RAB3GAP2: variants seen among roughly 807,000 people sequenced by gnomAD.
RAB3GAP2 encodes RAB3 GTPase activating non-catalytic protein subunit 2.
Under a neutral mutation model 185.3 loss-of-function variants are expected in RAB3GAP2, and 87 were observed. The ratio of observed to expected loss-of-function variants is 0.47; its 90% CI spans 0.39 to 0.56. The LOEUF is 0.56. RAB3GAP2 is among the 20% of genes least tolerant of loss of function. The pLI, the probability that RAB3GAP2 is intolerant of heterozygous loss-of-function variation, is 0.00. For missense variants in RAB3GAP2, 1,492 were observed against 1,638.2 expected, an observed-to-expected ratio of 0.91 and a Z score of 1.54; for synonymous variants, 554 against 576.1, an observed-to-expected ratio of 0.96 and a Z score of 0.55.
chr1:220,184,282 A>G, intron 18 of RAB3GAP2, 119 bp from the exon 19 acceptor site: 1 of 937,122 alleles, frequency 1.1e-6, no homozygotes, highest in Middle Eastern at 3.4e-4. Context: ...TGTATTAAAT[A>G]CTGAGATGCT....
intron 9 of RAB3GAP2, among the ~76,000 whole-genome samples, chr1:220,201,114 G>T (rs760393669): frequency 2.0e-5 from 3 of 152,152 alleles, no homozygotes; most frequent in Non-Finnish European, 4.4e-5. Context: ...AGAGAAGCAT[G>T]TCTTTACATC....
intron 6 of RAB3GAP2, 117 bp from the exon 7 acceptor site, chr1:220,210,606 CTT>C: frequency 1.0e-6 from 1 of 999,844 alleles, no homozygotes. Flanking sequence ...CAGGTACACT[CTT>C]TTCAGAATAC....
At chr1:220,210,262 G>C in intron 7 of RAB3GAP2, 126 bp downstream of exon 7, 1 of 781,562 alleles carries the variant, frequency 1.3e-6, no homozygotes, top group Non-Finnish European at 2.3e-6. Flanking sequence ...TCTAGACTAT[G>C]ATAGCAGAGC....
At position 220,202,365 on chromosome 1, in the gene RAB3GAP2, G is replaced by A. The variant is rs1371556449; in HGVS notation, c.722C>T (p.Ser241Leu). ...TGGTGGTTGTATGTTCTCATTGCCT[G>A]ATGCTGCAGCTACCAAAGATAAAAT... ...CRNQVAKAAA[S>L]GNENIQPPPL... Residue 241 changes from serine to leucine, a missense_variant, in exon 9 of 35, where the codon TCA becomes TTA. Ser to Leu is a moderately radical substitution (Grantham distance 145). Coordinates refer to ENST00000358951, the MANE Select transcript of RAB3GAP2 (RefSeq NM_012414.4). The A allele has an allele frequency of 1.2e-6, 2 of 1,613,414 alleles. No homozygotes were observed. The highest frequency in any genetic ancestry group is 3.3e-5 in the Admixed American group (2 of 59,980).
At chr1:220,177,899 A>C (rs1000704913) in intron 21 of RAB3GAP2, among the ~76,000 whole-genome samples, 2 of 152,224 alleles carry the variant, frequency 1.3e-5, no homozygotes, top group African/African-American at 4.8e-5. Context: ...GTTTACTCAA[A>C]TAAGTAATAA....
At chr1:220,153,499 A>G (rs1243091293) in intron 32 of RAB3GAP2, 93 bp from the exon 33 acceptor site, 6 of 1,170,756 alleles carry the variant, frequency 5.1e-6, no homozygotes, top group Admixed American at 1.8e-5. Flanking sequence ...TGTCACTTAT[A>G]GTGGCTTTTC....
At chr1:220,267,404 CT>C (rs1481797247) in intron 1 of RAB3GAP2, 2 of 1,301,730 alleles carry the variant, frequency 1.5e-6, no homozygotes, top group African/African-American at 2.9e-5. Flanking sequence ...TCCACTCCTG[CT>C]TTCTCCAGCT....
At chr1:220,232,446 T>G (rs933640151) in intron 2 of RAB3GAP2, among the ~76,000 whole-genome samples, 1 of 152,186 alleles carries the variant, frequency 6.6e-6, no homozygotes, top group African/African-American at 2.4e-5. Flanking sequence ...CAGCCTCTGG[T>G]CCTATCACCT....
At chr1:220,208,205 G>A (rs547211040) in intron 7 of RAB3GAP2, 2 of 152,204 alleles carry the variant, frequency 1.3e-5, no homozygotes, top group East Asian at 1.9e-4. Flanking sequence ...CAAATTTAAC[G>A]TATTTTAAAA....
At chr1:220,259,491 TATTTAATAA>T (rs1468978952) in intron 1 of RAB3GAP2, among the ~76,000 whole-genome samples, 35 of 152,266 alleles carry the variant, frequency 2.3e-4, no homozygotes, top group African/African-American at 5.1e-4. Flanking sequence ...AAGGACTCCT[TATTTAATAA>T]ATTTAATAAA....
At chr1:220,196,478 G>T in intron 9 of RAB3GAP2, 80 bp from the exon 10 acceptor site, 1 of 1,336,190 alleles carries the variant, frequency 7.5e-7, no homozygotes, top group Non-Finnish European at 1.1e-6. Context: ...ATTCTAAGAT[G>T]CTAAATGTTT....
intron 1 of RAB3GAP2, among the ~76,000 whole-genome samples, chr1:220,240,214 G>C (rs1361484164): frequency 6.6e-6 from 1 of 152,094 alleles, no homozygotes; most frequent in Non-Finnish European, 1.5e-5. Context: ...AGGAGATGTT[G>C]TTCCTAAAGT....
intron 1 of RAB3GAP2, among the ~76,000 whole-genome samples, chr1:220,256,203 T>C (rs982956102): frequency 6.6e-6 from 1 of 152,176 alleles, no homozygotes; most frequent in Non-Finnish European, 1.5e-5. Context: ...GATAGGCAAA[T>C]GCTGAAGAAA....
chr1:220,213,750 G>A (rs1478818245), intron 3 of RAB3GAP2, 106 bp downstream of exon 3: 17 of 1,108,356 alleles, frequency 1.5e-5, no homozygotes, highest in Non-Finnish European at 2.0e-5. Flanking sequence ...GGGGGAGAGA[G>A]AGAGAAATAA....
At chr1:220,203,084 C>T (rs116301006) in intron 8 of RAB3GAP2, among the ~76,000 whole-genome samples, 2,304 of 152,336 alleles carry the variant, frequency 0.015, 27 homozygotes, top group Middle Eastern at 0.061. Context: ...AAACTAAAAA[C>T]CTGATATACT....
intron 1 of RAB3GAP2, among the ~76,000 whole-genome samples, chr1:220,255,687 T>C (rs1398903581): frequency 6.6e-6 from 1 of 152,058 alleles, no homozygotes; most frequent in Non-Finnish European, 1.5e-5. Context: ...TCTCAGACCT[T>C]GAAGACTATC....
intron 4 of RAB3GAP2, 131 bp downstream of exon 4, chr1:220,212,756 G>A (rs1380659868): frequency 2.5e-6 from 2 of 793,318 alleles, no homozygotes; most frequent in African/African-American, 3.4e-5. Context: ...GCTTCCCAAA[G>A]TGCTAGGATT....
Position 220,151,368 on chromosome 1 carries a change from T to C in RAB3GAP2, c.4065A>G (p.Ala1355=). ...QDLQNTEVPI[A]TTAKLVNKVI... is the part of the protein sequence containing the mutation. Reference sequence around the variant, plus strand: ...CTTTATTTACTAGTTTAGCTGTTGTTGCAATTGGCACTTCAGTGTTTTGAA... The same window carrying C: ...CTTTATTTACTAGTTTAGCTGTTGTCGCAATTGGCACTTCAGTGTTTTGAA... Residue 1355 remains alanine (A), a synonymous_variant, in exon 35 of 35, where the codon GCA becomes GCG. Transcript: ENST00000358951. The C allele has an allele frequency of 2.5e-6, 4 of 1,614,208 alleles. No homozygotes were observed. The highest frequency in any genetic ancestry group is 3.4e-6 in the Non-Finnish European group (4 of 1,180,034).
rs1658699953 is a variant in RAB3GAP2 at position 220,195,134 on chromosome 1, T to C, written c.1074A>G (p.Glu358=). 1 of 1,614,172 alleles carries C rather than the reference T, an allele frequency of 6.2e-7. No homozygotes were observed. Among genetic ancestry groups the C allele is most frequent in the Non-Finnish European group, 8.5e-7 (1 of 1,180,010 alleles). The part of the protein sequence containing the change: ...GWLGWKSKHE[E]EAVQKQKPKV... ...TCGGCTTTTGCTTTTGGACAGCTTC[T>C]TCTTCGTGCTTACTTTTCCAACCAA... The change falls in exon 12 of 35, where the codon GAA becomes GAG. Residue 358 remains glutamate (E), a synonymous_variant. Transcript: ENST00000358951.
Sources: gnomAD v4.1 joint callset for allele counts (sites outside exome capture counted in the v4.1 genomes callset) on GRCh38, gnomAD v4.1.1 for gene constraint, MANE v1.5 for transcripts, NCBI Gene and HGNC (gene_info 2026-07-23, HGNC 2026-07-21) for gene names.